The following KY variants were observed in gnomAD, a reference collection of about 807,000 sequenced individuals.
The protein encoded by KY is kyphoscoliosis peptidase.
Under a neutral mutation model 76.1 loss-of-function variants are expected in KY, and 43 were observed. That is an observed-to-expected ratio of 0.57 (90% CI 0.44 to 0.73). KY has a LOEUF of 0.73. KY is among the 30% of genes least tolerant of loss of function. The pLI, the probability that KY is intolerant of heterozygous loss-of-function variation, is 0.00. For synonymous variants in KY, 277 were observed against 326.2 expected (o/e 0.85, Z 1.63); for missense variants, 722 against 828.9 (o/e 0.87, Z 1.58).
At chr3:134,633,216 G>A (rs753550543) in intron 3 of KY, among the ~76,000 whole-genome samples, 11 of 151,954 alleles carry the variant, frequency 7.2e-5, no homozygotes, top group East Asian at 3.8e-4. Context: ...AGGATCTTTC[G>A]TAAAACAGAA....
intron 8 of KY, among the ~76,000 whole-genome samples, chr3:134,612,532 T>C (rs1960668220): frequency 1.3e-5 from 2 of 152,082 alleles, no homozygotes; most frequent in South Asian, 4.1e-4. Flanking sequence ...AGGAAACAGC[T>C]AGCAGAGAAG....
intron 3 of KY, among the ~76,000 whole-genome samples, chr3:134,641,737 G>T (rs13081172): frequency 1.3e-5 from 2 of 151,864 alleles, no homozygotes; most frequent in Non-Finnish European, 2.9e-5. Flanking sequence ...CCCCATACCC[G>T]CACACACCCC....
chr3:134,609,005 G>T (rs961660783), intron 9 of KY, among the ~76,000 whole-genome samples, 166 bp from the exon 10 acceptor site: 2 of 152,302 alleles, frequency 1.3e-5, no homozygotes, highest in African/African-American at 4.8e-5. Context: ...TCCAGAAATT[G>T]TAGTCAAGGC....
intron 10 of KY, chr3:134,607,584 G>T (rs1959428554): frequency 1.0e-6 from 1 of 985,630 alleles, no homozygotes. Context: ...CAGGCTGTGT[G>T]CCCAGCACTG....
intron 3 of KY, among the ~76,000 whole-genome samples, chr3:134,638,822 G>A (rs1479118671): frequency 6.6e-6 from 1 of 152,236 alleles, no homozygotes; most frequent in Non-Finnish European, 1.5e-5. Flanking sequence ...ACCTAACGCA[G>A]TATGGCAAAC....
At position 134,620,204 on chromosome 3, in the gene KY, G is replaced by T. The variant is rs370324071; in HGVS notation, c.592+545C>A. 4.1e-4 allele frequency among the ~76,000 whole-genome samples: 62 copies of T among 152,280 alleles called. 1 individual carries two copies. The East Asian group carries it at 0.01, about 26-fold the overall frequency. Reference sequence around the variant, plus strand: ...TCCCAAGGCCATCCTGTGGAGAGCTGTGGGCAGCTGCATAGGCCCAGGTCC... The same window carrying T: ...TCCCAAGGCCATCCTGTGGAGAGCTTTGGGCAGCTGCATAGGCCCAGGTCC... On this transcript the variant is annotated intron_variant, in intron 7 of 10. Transcript: ENST00000423778.
chr3:134,605,835 G>C (rs143029093), intron 10 of KY, among the ~76,000 whole-genome samples: 1 of 151,978 alleles, frequency 6.6e-6, no homozygotes, highest in Admixed American at 6.6e-5. Flanking sequence ...CCCTCTTTGC[G>C]ACCCCCACTC....
At chr3:134,608,464 T>C in intron 10 of KY, 185 bp downstream of exon 10, 1 of 1,528,712 alleles carries the variant, frequency 6.5e-7, no homozygotes, top group Non-Finnish European at 8.8e-7. Flanking sequence ...TTCCCTGCCC[T>C]GATGGCCTGG....
At chr3:134,633,904 A>G (rs949591902) in intron 3 of KY, among the ~76,000 whole-genome samples, 3 of 152,248 alleles carry the variant, frequency 2.0e-5, no homozygotes, top group Admixed American at 2.0e-4. Context: ...TTAGTTTAGC[A>G]TGGTCACGGT....
At chr3:134,649,123 G>A (rs370849186) in intron 1 of KY, among the ~76,000 whole-genome samples, 183 of 151,712 alleles carry the variant, frequency 1.2e-3, no homozygotes, top group Non-Finnish European at 2.4e-3. Context: ...TTGTGAATAA[G>A]TGACACAGAT....
chr3:134,610,406 G>A (rs1214337687), intron 8 of KY, 23 bp from the exon 9 acceptor site: 5 of 1,597,002 alleles, frequency 3.1e-6, no homozygotes, highest in Non-Finnish European at 4.3e-6. Context: ...CAGGGGGTCT[G>A]AGAGGGGGAT....
intron 8 of KY, 50 bp from the exon 9 acceptor site, chr3:134,610,433 T>A: frequency 6.7e-7 from 1 of 1,500,726 alleles, no homozygotes; most frequent in Non-Finnish European, 9.1e-7. Context: ...GTGGCTTGCC[T>A]CCAAGTCTGT....
chr3:134,606,941 C>T (rs1175142184), intron 10 of KY: 8 of 985,054 alleles, frequency 8.1e-6, no homozygotes, highest in African/African-American at 1.8e-5. Context: ...ATTTTGTTTC[C>T]TTCCCCTCCC....
At chr3:134,605,615 T>C (rs1325143631) in intron 10 of KY, among the ~76,000 whole-genome samples, 1 of 152,010 alleles carries the variant, frequency 6.6e-6, no homozygotes, top group Non-Finnish European at 1.5e-5. Flanking sequence ...TCAAAAGCTG[T>C]CCCAACCCTG....
At chr3:134,646,132 C>T (rs895536072) in intron 2 of KY, among the ~76,000 whole-genome samples, 3 of 152,210 alleles carry the variant, frequency 2.0e-5, no homozygotes, top group African/African-American at 7.2e-5. Flanking sequence ...ATGGCCATTT[C>T]TGTGGCTAAC....
At chr3:134,646,911 C>G (rs6439505) in intron 2 of KY, among the ~76,000 whole-genome samples, 152,062 of 152,292 alleles carry the variant, frequency 1, 75,917 homozygotes, top group Non-Finnish European at 1. Context: ...AGTGTTACCA[C>G]AGAGATCCTG....
intron 3 of KY, among the ~76,000 whole-genome samples, chr3:134,641,613 T>A (rs1965776372): frequency 6.6e-6 from 1 of 152,190 alleles, no homozygotes; most frequent in African/African-American, 2.4e-5. Context: ...ATTTTGGACT[T>A]CTGGGCTCCA....
At position 134,650,999 on chromosome 3, in the gene KY, C is replaced by G. The variant is rs747806092; in HGVS notation, c.-39G>C. 7 of 1,611,686 alleles carry G rather than the reference C, an allele frequency of 4.3e-6. No homozygotes were observed. In the South Asian group the frequency reaches 5.5e-5, roughly 13 times the overall value. ...TTCCGACCTGGGCGCCGCGGCCGCA[C>G]GCTAGGCTGCTTGCGCTGCAAATGG... On this transcript the variant is annotated 5_prime_UTR_variant, in exon 1 of 11. Transcript: ENST00000423778.
Position 134,608,660 on chromosome 3 carries a change from A to T in KY, c.1079T>A (p.Met360Lys), listed in dbSNP as rs1327537303. ...TGCTCCGGGCTCACCTGTTCTGATCATGGAAGTCTCTGGGTGGGCACTCAG... is the reference window on the plus strand; with the variant it reads ...TGCTCCGGGCTCACCTGTTCTGATCTTGGAAGTCTCTGGGTGGGCACTCAG... Reference protein sequence around the residue: ...GMLSAHPETSMIRTVNGKATV... With the variant: ...GMLSAHPETSKIRTVNGKATV... Residue 360 changes from methionine (M) to lysine (K), a missense_variant, in exon 10 of 11, where the codon ATG (methionine) becomes AAG (lysine). Around this residue, in one of 2 missense-constraint regions of KY, gnomAD observed 552 missense variants for 680.9 expected, o/e 0.81. Coordinates refer to ENST00000423778, the MANE Select transcript of KY (RefSeq NM_178554.6). 6.2e-7 allele frequency: 1 copy of T among 1,614,002 alleles called. No homozygotes were observed. Among genetic ancestry groups the T allele is most frequent in the Non-Finnish European group, 8.5e-7 (1 of 1,179,892 alleles).
Sources: gnomAD v4.1 joint callset for allele counts (sites outside exome capture counted in the v4.1 genomes callset) on GRCh38, gnomAD v4.1.1 for gene constraint, gnomAD v4.1.1 regional missense constraint, MANE v1.5 for transcripts, NCBI Gene and HGNC (gene_info 2026-07-23, HGNC 2026-07-21) for gene names.